DIS3L2: variants seen among roughly 807,000 people sequenced by gnomAD.
The protein encoded by DIS3L2 is DIS3 like 3'-5' exoribonuclease 2, also known as DIS3-like exonuclease 2.
In DIS3L2, 34 loss-of-function variants were observed where a neutral mutation model predicts 97.5. The ratio of observed to expected loss-of-function variants is 0.35; its 90% CI spans 0.27 to 0.46. DIS3L2 has a LOEUF of 0.46. Among genes scored for constraint, DIS3L2 ranks in the 20% least tolerant of loss-of-function variants. DIS3L2 has a pLI of 1.00. For synonymous variants in DIS3L2, 435 were observed against 445.2 expected (o/e 0.98, Z 0.29); for missense variants, 1,038 against 1,146.0 (o/e 0.91, Z 1.36).
chr2:232,141,871 A>G (rs1015094528), intron 8 of DIS3L2, among the ~76,000 whole-genome samples: 2 of 152,234 alleles, frequency 1.3e-5, no homozygotes, highest in Admixed American at 1.3e-4. Context: ...GTAGATAGGA[A>G]TTGAAGAGGT....
chr2:232,322,091 G>T (rs560924063), intron 14 of DIS3L2, among the ~76,000 whole-genome samples: 1 of 152,186 alleles, frequency 6.6e-6, no homozygotes, highest in Non-Finnish European at 1.5e-5. Flanking sequence ...AGCTGACTAC[G>T]GGGGTGCCTG....
chr2:232,206,028 T>G (rs777437640), intron 9 of DIS3L2, among the ~76,000 whole-genome samples: 2 of 152,138 alleles, frequency 1.3e-5, no homozygotes, highest in African/African-American at 4.8e-5. Context: ...TCCCTTGGGG[T>G]AGGCTTGGTG....
At chr2:232,329,785 T>TCCCCGGGGGGGCGCC in intron 14 of DIS3L2, 28 bp from the exon 15 acceptor site, 1 of 967,144 alleles carries the variant, frequency 1.0e-6, no homozygotes, top group Non-Finnish European at 1.5e-6. Context: ...ACCCCAGCGG[T>TCCCCGGGGGGGCGCC]CCCTCCCATC....
chr2:232,103,380 A>G (rs940476337), intron 6 of DIS3L2, among the ~76,000 whole-genome samples: 4 of 152,162 alleles, frequency 2.6e-5, no homozygotes, highest in Admixed American at 2.6e-4. Context: ...GACCAAGTTA[A>G]CCAAATGTCC....
At chr2:232,235,023 C>T (rs550627342) in intron 10 of DIS3L2, among the ~76,000 whole-genome samples, 7 of 152,212 alleles carry the variant, frequency 4.6e-5, no homozygotes, top group South Asian at 2.1e-4. Flanking sequence ...TTCTGAATCC[C>T]GCTTTATAAT....
In DIS3L2 at chr2:232,136,500, C is replaced by G. The variant is rs1698361769; in HGVS notation, c.731C>G (p.Ser244Cys). 1 of 1,613,870 alleles carries G rather than the reference C, an allele frequency of 6.2e-7. No homozygotes were observed. Among genetic ancestry groups the G allele is most frequent in the South Asian group, 1.1e-5 (1 of 91,068 alleles). ...GTTTACATCTTGGAGAAAAAACATT[C>G]TCGAGCAGCAACCGGCTTCCTCAAA... ...KVVYILEKKHSRAATGFLKLL... is the reference protein window; with the variant it reads ...KVVYILEKKHCRAATGFLKLL... Residue 244 changes from serine to cysteine, a missense_variant, in exon 8 of 21, where the codon TCT (serine) becomes TGT (cysteine). Ser to Cys is a moderately radical substitution (Grantham distance 112). Coordinates refer to ENST00000325385, the MANE Select transcript of DIS3L2 (RefSeq NM_152383.5).
In DIS3L2 at chr2:231,998,764, A is replaced by T. The variant is rs1326349301; in HGVS notation, c.-93-16071A>T. Among the ~76,000 whole-genome samples the T allele has an allele frequency of 1.3e-5, 2 of 152,164 alleles. 1 individual carries two copies. The highest frequency in any genetic ancestry group is 4.1e-4 in the South Asian group (2 of 4,830). ...TTGCCAATGGTAATTTTCTAATTCC[A>T]TTGTTTTTTCTAGATTTATCACTTG... On this transcript the variant is annotated intron_variant, in intron 1 of 20. Transcript: ENST00000325385.
At chr2:232,015,235 CTG>C (rs1694320026) in intron 2 of DIS3L2, among the ~76,000 whole-genome samples, 1 of 152,156 alleles carries the variant, frequency 6.6e-6, no homozygotes, top group Non-Finnish European at 1.5e-5. Flanking sequence ...TTCAAAAAGT[CTG>C]TGTGTCTATA....
intron 13 of DIS3L2, among the ~76,000 whole-genome samples, chr2:232,290,239 A>G (rs141441444): frequency 3.3e-5 from 5 of 152,364 alleles, no homozygotes; most frequent in Non-Finnish European, 7.4e-5. Context: ...ACACACGCAG[A>G]CTTGCTCATC....
At chr2:232,001,479 TTC>T (rs1693900358) in intron 1 of DIS3L2, among the ~76,000 whole-genome samples, 1 of 151,984 alleles carries the variant, frequency 6.6e-6, no homozygotes, top group Non-Finnish European at 1.5e-5. Flanking sequence ...TGCAAATATA[TTC>T]TCTCATTCAT....
intron 1 of DIS3L2, among the ~76,000 whole-genome samples, chr2:231,964,265 T>A (rs1692647843): frequency 6.6e-6 from 1 of 152,212 alleles, no homozygotes; most frequent in Non-Finnish European, 1.5e-5. Flanking sequence ...CATCTTGAAC[T>A]GATCCTTTTC....
Position 232,334,507 on chromosome 2 carries a change from C to T in DIS3L2, c.2289+8C>T. 1 of 1,613,466 alleles carries T rather than the reference C, an allele frequency of 6.2e-7. No individual in the cohort carries two copies. Among genetic ancestry groups the T allele is most frequent in the Non-Finnish European group, 8.5e-7 (1 of 1,179,828 alleles). ...TTTGCTGTTCTGGTCAAGGTGAGCC[C>T]TCCAGCCTGGTGCCCCTCACCTCCC... On this transcript the variant is annotated splice_region_variant and intron_variant, in intron 18 of 20. Coordinates refer to ENST00000325385, the MANE Select transcript of DIS3L2 (RefSeq NM_152383.5).
chr2:232,246,701 T>G (rs191600805), intron 11 of DIS3L2, among the ~76,000 whole-genome samples: 26 of 152,370 alleles, frequency 1.7e-4, no homozygotes, highest in Admixed American at 1.5e-3. Context: ...CTTCACTCAC[T>G]GTAAAAAGGT....
At chr2:232,176,756 T>A (rs943949872) in intron 9 of DIS3L2, among the ~76,000 whole-genome samples, 1 of 1,020 alleles carries the variant, frequency 9.8e-4, no homozygotes, top group African/African-American at 7.9e-3. Flanking sequence ...GCCCGGCTAT[T>A]TTTTTTTAAT....
intron 5 of DIS3L2, among the ~76,000 whole-genome samples, chr2:232,054,462 C>T (rs778104904): frequency 1.3e-5 from 2 of 152,090 alleles, no homozygotes; most frequent in Non-Finnish European, 2.9e-5. Flanking sequence ...TGATTTTTAC[C>T]TTTTTCTAAT....
At chr2:232,203,794 G>A (rs1421394069) in intron 9 of DIS3L2, among the ~76,000 whole-genome samples, 1 of 152,220 alleles carries the variant, frequency 6.6e-6, no homozygotes, top group Non-Finnish European at 1.5e-5. Flanking sequence ...GGGGCTGTGA[G>A]GGTTTACTGG....
intron 9 of DIS3L2, among the ~76,000 whole-genome samples, chr2:232,189,340 A>T (rs1002705859): frequency 2.0e-5 from 3 of 152,226 alleles, no homozygotes; most frequent in African/African-American, 7.2e-5. Context: ...CCTTCAGCAG[A>T]TGAATGGTTA....
intron 9 of DIS3L2, among the ~76,000 whole-genome samples, chr2:232,193,913 AGCCTG>A (rs1318516579): frequency 6.6e-6 from 1 of 152,186 alleles, no homozygotes; most frequent in Non-Finnish European, 1.5e-5. Context: ...GTTGAAGACC[AGCCTG>A]GCCAACACGG....
In DIS3L2 at chr2:232,223,960, C is replaced by T. The variant is rs370506046; in HGVS notation, c.1204+13555C>T. Among the ~76,000 whole-genome samples, 9 of 152,166 alleles carry T rather than the reference C, an allele frequency of 5.9e-5. No individual in the cohort carries two copies. In the East Asian group the frequency reaches 1.4e-3, roughly 23 times the overall value. On this transcript the variant is annotated intron_variant, in intron 10 of 20. Transcript: ENST00000325385. ...ACAATTAGCTGGATGTGGTGGTGCA[C>T]GTCTATAGTCCTAGTTACTCAAGAA... is the stretch of plus-strand genomic sequence containing the variant.
Sources: allele counts gnomAD v4.1 joint callset (sites outside exome capture counted in the v4.1 genomes callset), GRCh38; gene constraint gnomAD v4.1.1; transcripts MANE v1.5; gene names NCBI Gene and HGNC (gene_info 2026-07-23, HGNC 2026-07-21).